ARHGAP24: variants seen among roughly 807,000 people sequenced by gnomAD.
ARHGAP24 encodes the protein rho GTPase-activating protein 24.
Under a neutral mutation model 76.4 loss-of-function variants are expected in ARHGAP24, and 50 were observed. The ratio of observed to expected loss-of-function variants is 0.65; its 90% CI spans 0.52 to 0.83. The LOEUF (loss-of-function observed/expected upper bound fraction) is 0.83. Among genes scored for constraint, ARHGAP24 ranks in the 40% least tolerant of loss-of-function variants. ARHGAP24 has a pLI of 0.00. For synonymous variants in ARHGAP24, 345 were observed against 323.3 expected (o/e 1.07, Z -0.72); for missense variants, 930 against 914.2 (o/e 1.02, Z -0.22).
At chr4:85,511,223 T>C (rs1724269472) in intron 1 of ARHGAP24, among the ~76,000 whole-genome samples, 1 of 152,136 alleles carries the variant, frequency 6.6e-6, no homozygotes, top group Non-Finnish European at 1.5e-5. Flanking sequence ...AAATCTGTCT[T>C]CTGGAGATCT....
intron 2 of ARHGAP24, among the ~76,000 whole-genome samples, chr4:85,685,643 A>AAAGAAAAGAAAAGAAAAGAAAAG (rs1553922810): frequency 4.7e-5 from 7 of 150,094 alleles, no homozygotes; most frequent in African/African-American, 1.5e-4. Context: ...AAAAAAAAAA[A>AAAGAAAAGAAAAGAAAAGAAAAG]AAAAGAAAAG....
At chr4:85,745,264 G>A (rs922496112) in intron 3 of ARHGAP24, among the ~76,000 whole-genome samples, 1 of 143,248 alleles carries the variant, frequency 7.0e-6, no homozygotes, top group African/African-American at 2.5e-5. Flanking sequence ...GATGGCGAGA[G>A]ACCCCAGTAA....
At chr4:85,966,754 T>A (rs1738635313) in intron 5 of ARHGAP24, among the ~76,000 whole-genome samples, 1 of 152,144 alleles carries the variant, frequency 6.6e-6, no homozygotes, top group African/African-American at 2.4e-5. Flanking sequence ...TGGAGGCTGA[T>A]GGATATGACA....
intron 2 of ARHGAP24, among the ~76,000 whole-genome samples, chr4:85,668,707 T>C (rs1289765618): frequency 6.6e-6 from 1 of 152,152 alleles, no homozygotes; most frequent in Admixed American, 6.5e-5. Flanking sequence ...TAAAGGGGTA[T>C]GCAGGCGGTT....
At chr4:85,628,997 A>G (rs1721068090) in intron 2 of ARHGAP24, among the ~76,000 whole-genome samples, 1 of 152,180 alleles carries the variant, frequency 6.6e-6, no homozygotes, top group Admixed American at 6.5e-5. Flanking sequence ...TATTATTAAT[A>G]GGTAACTTTA....
intron 5 of ARHGAP24, among the ~76,000 whole-genome samples, chr4:85,946,833 T>C (rs933393679): frequency 1.3e-5 from 2 of 152,190 alleles, no homozygotes; most frequent in Non-Finnish European, 2.9e-5. Flanking sequence ...TTCTTTTCCT[T>C]TGGATATATA....
chr4:85,840,074 T>C (rs1197468745), intron 3 of ARHGAP24, among the ~76,000 whole-genome samples: 1 of 142,102 alleles, frequency 7.0e-6, no homozygotes, highest in African/African-American at 2.6e-5. Context: ...ACCCTGTTGG[T>C]CAGGCTGGCC....
intron 2 of ARHGAP24, among the ~76,000 whole-genome samples, chr4:85,625,408 C>G (rs909444836): frequency 6.6e-6 from 1 of 152,084 alleles, no homozygotes; most frequent in Non-Finnish European, 1.5e-5. Context: ...ATCCTGAGCT[C>G]TAGTTTGATT....
At chr4:85,678,764 A>C (rs2110008050) in intron 2 of ARHGAP24, among the ~76,000 whole-genome samples, 1 of 152,298 alleles carries the variant, frequency 6.6e-6, no homozygotes, top group South Asian at 2.1e-4. Flanking sequence ...ACATGATTCA[A>C]ACAAGTCTTA....
At chr4:85,677,647 G>T (rs1422751767) in intron 2 of ARHGAP24, among the ~76,000 whole-genome samples, 1 of 152,154 alleles carries the variant, frequency 6.6e-6, no homozygotes, top group Non-Finnish European at 1.5e-5. Context: ...GTCCAGGTTT[G>T]CTGGCCAAAA....
intron 2 of ARHGAP24, among the ~76,000 whole-genome samples, chr4:85,598,084 G>T (rs1251649015): frequency 6.6e-6 from 1 of 152,000 alleles, no homozygotes; most frequent in Non-Finnish European, 1.5e-5. Context: ...ATCATAAGAA[G>T]TCTTACTATT....
Position 85,626,430 on chromosome 4 carries a change from C to T in ARHGAP24, c.180+55709C>T, listed in dbSNP as rs187989136. ...CTCTTCTGGCTGATAGAGTTTCTGT[C>T]GAGAGATCTGCTGTTAGTCTGATGG... is the stretch of plus-strand genomic sequence containing the variant. On this transcript the variant is annotated intron_variant, in intron 2 of 9. Transcript: ENST00000395184. Among the ~76,000 whole-genome samples, 10 of 152,292 alleles carry T rather than the reference C, an allele frequency of 6.6e-5. No homozygotes were observed. In the East Asian group the frequency reaches 1.4e-3, roughly 21 times the overall value.
intron 2 of ARHGAP24, among the ~76,000 whole-genome samples, chr4:85,683,788 A>G (rs72656226): frequency 0.062 from 9,479 of 152,084 alleles, 357 homozygotes; most frequent in Middle Eastern, 0.1. Context: ...CCTGGCAACC[A>G]TCTCTCTACC....
At chr4:85,669,043 T>G (rs1339263002) in intron 2 of ARHGAP24, among the ~76,000 whole-genome samples, 2 of 152,174 alleles carry the variant, frequency 1.3e-5, no homozygotes, top group Non-Finnish European at 2.9e-5. Flanking sequence ...TGTGATTCTC[T>G]GAGTTGTTAT....
intron 1 of ARHGAP24, among the ~76,000 whole-genome samples, chr4:85,491,623 A>G (rs749832705): frequency 1.3e-5 from 2 of 152,162 alleles, no homozygotes; most frequent in Non-Finnish European, 2.9e-5. Flanking sequence ...TGTGTGCACT[A>G]GGTACTTCCT....
chr4:85,557,228 T>C (rs13114627), intron 1 of ARHGAP24, among the ~76,000 whole-genome samples: 129,091 of 152,216 alleles, frequency 0.85, 56,264 homozygotes, highest in East Asian at 0.98. Flanking sequence ...AGTGGAGGCA[T>C]GGCTTGCAGT....
intron 9 of ARHGAP24, among the ~76,000 whole-genome samples, chr4:85,997,932 C>T (rs2148874329): frequency 6.6e-6 from 1 of 152,270 alleles, no homozygotes; most frequent in East Asian, 1.9e-4. Flanking sequence ...GCTGGGGTTA[C>T]AGGCATAAGC....
chr4:85,636,408 G>T (rs1384811820), intron 2 of ARHGAP24, among the ~76,000 whole-genome samples: 2 of 151,768 alleles, frequency 1.3e-5, no homozygotes, highest in African/African-American at 2.4e-5. Flanking sequence ...TTCTGCTGTT[G>T]GTTTGAATTC....
intron 3 of ARHGAP24, among the ~76,000 whole-genome samples, chr4:85,754,693 G>C (rs1222238873): frequency 6.6e-6 from 1 of 152,150 alleles, no homozygotes; most frequent in Non-Finnish European, 1.5e-5. Flanking sequence ...TTTGGTTCTT[G>C]ACAATTTATA....
Sources: allele counts gnomAD v4.1 joint callset (sites outside exome capture counted in the v4.1 genomes callset), GRCh38; gene constraint gnomAD v4.1.1; transcripts MANE v1.5; gene names NCBI Gene and HGNC (gene_info 2026-07-23, HGNC 2026-07-21).